Variants in PARD3B observed in about 807,000 individuals in gnomAD.
PARD3B encodes the protein partitioning defective 3 homolog B.
PARD3B carries 103 observed loss-of-function variants against 130.2 expected under a neutral mutation model. The ratio of observed to expected loss-of-function variants is 0.79; its 90% CI spans 0.67 to 0.93. The LOEUF (loss-of-function observed/expected upper bound fraction) is 0.93, where lower values mean the gene tolerates loss of function less well. Among genes scored for constraint, PARD3B ranks in the 40% least tolerant of loss-of-function variants. The probability of loss-of-function intolerance (pLI) is 0.00; values close to 1 mark genes in which losing one functional copy is unlikely to be tolerated. For missense variants in PARD3B, 1,609 were observed against 1,499.2 expected (o/e 1.07, Z -1.21); for synonymous variants, 583 against 553.2 (o/e 1.05, Z -0.76).
intron 22 of PARD3B, among the ~76,000 whole-genome samples, chr2:205,581,393 AT>A (rs2053976155): frequency 1.2e-5 from 1 of 85,352 alleles, no homozygotes; most frequent in Non-Finnish European, 2.5e-5. Context: ...ATAAATATAT[AT>A]AAATATATAT....
intron 2 of PARD3B, among the ~76,000 whole-genome samples, chr2:204,873,245 C>T (rs2045701197): frequency 6.6e-6 from 1 of 152,146 alleles, no homozygotes; most frequent in South Asian, 2.1e-4. Context: ...CACAATTTGA[C>T]TAGGCTTCAT....
At chr2:205,145,595 G>C (rs959454586) in intron 10 of PARD3B, among the ~76,000 whole-genome samples, 1 of 152,118 alleles carries the variant, frequency 6.6e-6, no homozygotes, top group Admixed American at 6.5e-5. Flanking sequence ...CTCAGACCTT[G>C]CTGGTGACCT....
chr2:205,296,173 C>A (rs2041784610), intron 16 of PARD3B, among the ~76,000 whole-genome samples: 1 of 152,158 alleles, frequency 6.6e-6, no homozygotes, highest in Non-Finnish European at 1.5e-5. Flanking sequence ...CTATGCTTTT[C>A]TTATCCTCAA....
Position 205,142,881 on chromosome 2 carries a change from AAAAT to A in PARD3B, c.1435-15814_1435-15811del, listed in dbSNP as rs139843896. On this transcript the variant is annotated intron_variant, in intron 10 of 22. Transcript: ENST00000406610. This position sits in a 1 kb window ranked among gnomAD's most constrained non-coding sequence, Gnocchi z 4.3. Reference sequence around the variant, plus strand: ...TGACAGGATGAGACTTCGGTCTCAAAAAATAAATAAATAAATAAATAAATAAATA... The same window carrying A: ...TGACAGGATGAGACTTCGGTCTCAAAAAATAAATAAATAAATAAATAAATA... Among the ~76,000 whole-genome samples the A allele has an allele frequency of 3.6e-3, 531 of 146,728 alleles. 4 individuals carry two copies. The highest frequency in any genetic ancestry group is 5.5e-3 in the Admixed American group (80 of 14,578).
intron 2 of PARD3B, among the ~76,000 whole-genome samples, chr2:204,754,121 G>A (rs963129759): frequency 1.2e-4 from 19 of 152,072 alleles, no homozygotes; most frequent in African/African-American, 4.6e-4. Context: ...CTATGAGCCA[G>A]TTTCAGTTCC....
At chr2:204,957,969 T>TA (rs1219658690) in intron 2 of PARD3B, among the ~76,000 whole-genome samples, 2 of 152,126 alleles carry the variant, frequency 1.3e-5, no homozygotes, top group Non-Finnish European at 2.9e-5. Context: ...TAGGAAACAG[T>TA]AAAAAATATC....
At chr2:205,065,214 A>G (rs1276147805) in intron 4 of PARD3B, among the ~76,000 whole-genome samples, 1 of 152,222 alleles carries the variant, frequency 6.6e-6, no homozygotes, top group African/African-American at 2.4e-5. Flanking sequence ...GAATTTATTC[A>G]AAGATGCCAC....
In PARD3B at chr2:205,305,881, C is replaced by A. The variant is rs116115644; in HGVS notation, c.2630+4180C>A. 7.6e-3 allele frequency among the ~76,000 whole-genome samples: 1,153 copies of A among 152,036 alleles called. 19 individuals carry two copies. Among genetic ancestry groups the A allele is most frequent in the African/African-American group, 0.026 (1,084 of 41,450 alleles). On this transcript the variant is annotated intron_variant, in intron 18 of 22. Coordinates refer to ENST00000406610, the MANE Select transcript of PARD3B (RefSeq NM_001302769.2). ...TTATTATAGTAAACATAATAATGACCCCTGAAGGTGTCTGCATCCCAACCC... is the reference window on the plus strand; with the variant it reads ...TTATTATAGTAAACATAATAATGACACCTGAAGGTGTCTGCATCCCAACCC...
At chr2:204,709,807 T>C (rs2038349679) in intron 2 of PARD3B, among the ~76,000 whole-genome samples, 1 of 152,196 alleles carries the variant, frequency 6.6e-6, no homozygotes, top group African/African-American at 2.4e-5. Context: ...CATCACACTT[T>C]GCATGCTCAG....
intron 1 of PARD3B, among the ~76,000 whole-genome samples, chr2:204,596,958 C>CTA (rs1266259780): frequency 4.9e-4 from 74 of 151,222 alleles, no homozygotes; most frequent in African/African-American, 5.3e-4. Context: ...CTCTCTCTCT[C>CTA]TCTCTATATA....
intron 2 of PARD3B, among the ~76,000 whole-genome samples, chr2:204,748,144 T>C (rs1559112637): frequency 6.6e-6 from 1 of 152,104 alleles, no homozygotes; most frequent in African/African-American, 2.4e-5. Flanking sequence ...ATAATATGGT[T>C]GAGTACGGTT....
intron 1 of PARD3B, among the ~76,000 whole-genome samples, chr2:204,630,098 A>AT (rs2034625431): frequency 6.6e-6 from 1 of 152,138 alleles, no homozygotes; most frequent in African/African-American, 2.4e-5. Flanking sequence ...TGAGCTTATG[A>AT]TTTGTATAGA....
intron 5 of PARD3B, among the ~76,000 whole-genome samples, chr2:205,113,230 T>C (rs1381148598): frequency 1.3e-5 from 2 of 152,178 alleles, no homozygotes; most frequent in Non-Finnish European, 2.9e-5. Context: ...AGTAGGAAGT[T>C]ATTTTTGTAG....
intron 1 of PARD3B, among the ~76,000 whole-genome samples, chr2:204,649,579 GGAACA>G: frequency 6.6e-6 from 1 of 151,760 alleles, no homozygotes; most frequent in Non-Finnish European, 1.5e-5. Flanking sequence ...ACAAAAAAAT[GGAACA>G]GAATAGAGAG....
chr2:204,817,185 C>A (rs938241167), intron 2 of PARD3B, among the ~76,000 whole-genome samples: 1 of 151,602 alleles, frequency 6.6e-6, no homozygotes, highest in African/African-American at 2.4e-5. Context: ...GTGAGTTCTG[C>A]GTCAGTTTTG....
intron 2 of PARD3B, among the ~76,000 whole-genome samples, chr2:204,922,927 A>T (rs1196567881): frequency 6.6e-6 from 1 of 152,104 alleles, no homozygotes; most frequent in African/African-American, 2.4e-5. Flanking sequence ...CATACCTTTT[A>T]TGATATGAGA....
intron 15 of PARD3B, among the ~76,000 whole-genome samples, chr2:205,224,488 C>G (rs768124367): frequency 1.2e-4 from 18 of 151,226 alleles, no homozygotes; most frequent in Non-Finnish European, 2.2e-4. Flanking sequence ...CTTATTCTGA[C>G]TATATTTTTG....
chr2:205,331,233 T>A (rs1574720270), intron 18 of PARD3B, among the ~76,000 whole-genome samples: 1 of 151,014 alleles, frequency 6.6e-6, no homozygotes, highest in East Asian at 1.9e-4. Flanking sequence ...TTCACAGATT[T>A]ACGTGCATAT....
At chr2:205,227,958 A>G (rs1263670342) in intron 15 of PARD3B, among the ~76,000 whole-genome samples, 3 of 152,176 alleles carry the variant, frequency 2.0e-5, no homozygotes, top group Non-Finnish European at 4.4e-5. Flanking sequence ...AAACTAATAA[A>G]CAGGCAAAAA....
Sources: gnomAD v4.1 joint callset for allele counts (sites outside exome capture counted in the v4.1 genomes callset) on GRCh38, gnomAD v4.1.1 for gene constraint, Gnocchi (gnomAD v3.1) non-coding constraint, MANE v1.5 for transcripts, NCBI Gene and HGNC (gene_info 2026-07-23, HGNC 2026-07-21) for gene names.